Variants in ASMT observed in about 807,000 individuals in gnomAD.
ASMT encodes the protein acetylserotonin O-methyltransferase.
In ASMT, 53 loss-of-function variants were observed where a neutral mutation model predicts 41.3. The observed-to-expected ratio is 1.28, with a 90% CI of 1.03 to 1.61. ASMT has a LOEUF of 1.61. Among genes scored for constraint, ASMT ranks in the 40% most tolerant of loss-of-function variants. ASMT has a pLI of 0.00. For synonymous variants in ASMT, 231 were observed against 184.8 expected, an observed-to-expected ratio of 1.25 and a Z score of -2.03; for missense variants, 531 against 441.3, an observed-to-expected ratio of 1.20 and a Z score of -1.82.
intron 7 of ASMT, among the ~76,000 whole-genome samples, chrX:1,635,549 G>A (rs1192047260): frequency 3.9e-5 from 6 of 151,956 alleles, no homozygotes; most frequent in African/African-American, 7.2e-5. Flanking sequence ...CTTTTGCAGG[G>A]GACATCAGAA....
chrX:1,616,675 G>C (rs1288711063), intron 1 of ASMT, among the ~76,000 whole-genome samples: 1 of 151,368 alleles, frequency 6.6e-6, no homozygotes, highest in Non-Finnish European at 1.5e-5. Flanking sequence ...TTCGAGACCA[G>C]TCTGGGCAAC....
intron 3 of ASMT, among the ~76,000 whole-genome samples, chrX:1,626,921 C>T (rs1251115939): frequency 1.3e-5 from 2 of 151,454 alleles, no homozygotes; most frequent in African/African-American, 2.4e-5. Flanking sequence ...CCCAGCTACT[C>T]GGGAGGTTGA....
chrX:1,622,660 TCC>T lies in ASMT; in HGVS notation c.70-477_70-476del. ...CAGGCGCAATGGCTCACGCCTGTCA[TCC>T]CAGCACTTTGGGAGGCCGAGGCTGG... On this transcript the variant is annotated intron_variant, in intron 1 of 8. Transcript: ENST00000381241. Among the ~76,000 whole-genome samples, 2 of 151,028 alleles carry T rather than the reference TCC, an allele frequency of 1.3e-5. 1 individual carries two copies. Among genetic ancestry groups the T allele is most frequent in the African/African-American group, 4.9e-5 (2 of 41,170 alleles).
intron 4 of ASMT, among the ~76,000 whole-genome samples, chrX:1,628,841 T>C (rs1479336555): frequency 6.6e-6 from 1 of 150,522 alleles, no homozygotes; most frequent in East Asian, 2.0e-4. Context: ...CTTTCTCTCA[T>C]CTTCTCTGTT....
At chrX:1,625,680 C>T (rs191271647) in intron 3 of ASMT, among the ~76,000 whole-genome samples, 36 of 151,754 alleles carry the variant, frequency 2.4e-4, no homozygotes, top group Non-Finnish European at 3.5e-4. Flanking sequence ...GGTGGCCGGA[C>T]GCAGTAGCCC....
intron 8 of ASMT, among the ~76,000 whole-genome samples, chrX:1,637,083 GA>G (rs1935013054): frequency 1.0e-5 from 1 of 99,424 alleles, no homozygotes. Flanking sequence ...CTCTGTGTGT[GA>G]GATAAGGACT....
At chrX:1,636,353 C>A in intron 7 of ASMT, 85 bp from the exon 8 acceptor site, 2 of 1,601,500 alleles carry the variant, frequency 1.2e-6, no homozygotes, top group Non-Finnish European at 1.7e-6. Context: ...GTGACCCATC[C>A]AGGTGACCTT....
In ASMT at chrX:1,618,802, C is replaced by T. The variant is rs373366969; in HGVS notation, c.69+3534C>T. Among the ~76,000 whole-genome samples, 9 of 152,336 alleles carry T rather than the reference C, an allele frequency of 5.9e-5. No homozygotes were observed. The South Asian group carries it at 1.9e-3, about 32-fold the overall frequency. ...GTCCCAGACAACAGTAACTTGCTACCTTTGCCTCCTTTGACCGCAGGCCTC... is the reference window on the plus strand; with the variant it reads ...GTCCCAGACAACAGTAACTTGCTACTTTTGCCTCCTTTGACCGCAGGCCTC... On this transcript the variant is annotated intron_variant, in intron 1 of 8. Coordinates refer to ENST00000381241, the MANE Select transcript of ASMT (RefSeq NM_001171038.2).
At chrX:1,625,554 G>A (rs1487947337) in intron 3 of ASMT, among the ~76,000 whole-genome samples, 1 of 134,164 alleles carries the variant, frequency 7.5e-6, no homozygotes, top group Admixed American at 7.7e-5. Context: ...GGGAGGGAGG[G>A]AGGGAGGGAG....
intron 1 of ASMT, among the ~76,000 whole-genome samples, chrX:1,622,719 C>T (rs1422653475): frequency 6.6e-6 from 1 of 151,286 alleles, no homozygotes; most frequent in South Asian, 2.1e-4. Flanking sequence ...CGAGACCAGC[C>T]TGGCCAACAT....
At position 1,642,823 on chromosome X, in the gene ASMT, G is replaced by C. The variant is rs1162263155; in HGVS notation, c.931G>C (p.Glu311Gln). The C allele has an allele frequency of 6.2e-7, 1 of 1,613,926 alleles. No homozygotes were observed. Among genetic ancestry groups the C allele is most frequent in the South Asian group, 1.1e-5 (1 of 91,078 alleles). Residue 311 changes from glutamate to glutamine, a missense_variant, in exon 9 of 9, where the codon GAA becomes CAA. By Grantham distance (29) the Glu-to-Gln change is conservative. Coordinates refer to ENST00000381241, the MANE Select transcript of ASMT (RefSeq NM_001171038.2). ...CKPGGGILVI[E>Q]SLLDEDRRGP... ...TCTAGGTGGTGGCATTCTGGTAATT[G>C]AAAGCCTCCTGGATGAAGACAGGCG...
chrX:1,627,514 G>A (rs763771414), intron 3 of ASMT, among the ~76,000 whole-genome samples, 189 bp from the exon 4 acceptor site: 22 of 151,724 alleles, frequency 1.5e-4, no homozygotes, highest in Admixed American at 3.3e-4. Flanking sequence ...CCAGCTACTC[G>A]GGAGGCTGAG....
Position 1,624,386 on chromosome X carries a change from C to A in ASMT, c.362C>A (p.Ala121Glu). Residue 121 changes from alanine to glutamate, a missense_variant, in exon 3 of 9, where the codon GCA (alanine) becomes GAA (glutamate). By Grantham distance (107) the Ala-to-Glu change is moderately radical (BLOSUM62 -1). Coordinates refer to ENST00000381241, the MANE Select transcript of ASMT (RefSeq NM_001171038.2). ...RTSYRCWGHL[A>E]DAVREGRNQY... The stretch of plus-strand genomic sequence containing the variant: ...AGCTACCGGTGCTGGGGCCACCTGG[C>A]AGACGCCGTGAGGTGGGGGCTGCCC... 1 of 1,613,564 alleles carries A rather than the reference C, an allele frequency of 6.2e-7. No individual in the cohort carries two copies.
intron 5 of ASMT, among the ~76,000 whole-genome samples, chrX:1,631,302 G>T (rs1245828236): frequency 6.6e-6 from 1 of 151,120 alleles, no homozygotes; most frequent in African/African-American, 2.4e-5. Context: ...TCCTGCCTCG[G>T]CCTCCCAGAG....
At chrX:1,617,231 G>GA (rs1934168034) in intron 1 of ASMT, among the ~76,000 whole-genome samples, 1 of 151,484 alleles carries the variant, frequency 6.6e-6, no homozygotes, top group African/African-American at 2.4e-5. Flanking sequence ...CACTTTTTGG[G>GA]GTCCAAGGTG....
At chrX:1,626,129 G>A (rs1934541036) in intron 3 of ASMT, among the ~76,000 whole-genome samples, 2 of 151,980 alleles carry the variant, frequency 1.3e-5, no homozygotes, top group Admixed American at 1.3e-4. Flanking sequence ...GAAAAGGAAG[G>A]TGATTCTCTC....
rs1556110215 is a variant in ASMT at position 1,627,633 on chromosome X, C to CGAAATGAAATGAAT, written c.375-57_375-56insTGAAATGAAATGAA. On this transcript the variant is annotated intron_variant, in intron 3 of 8. Transcript: ENST00000381241. ...TGAAATGAAATGAAACGAAATGAAA[C>CGAAATGAAATGAAT]GAAATGAAATGAAATGAAATGAAAT... 84 of 1,199,548 alleles carry CGAAATGAAATGAAT rather than the reference C, an allele frequency of 7.0e-5. No homozygotes were observed. The African/African-American group carries it at 8.9e-4, about 13-fold the overall frequency. 74.3% of individuals were successfully genotyped at this position (1,199,548 alleles called of 1,614,324 possible). A position where few individuals can be genotyped will look rare whatever the true frequency, so the allele number is the denominator to read the frequency against.
At chrX:1,617,149 G>C (rs1201950454) in intron 1 of ASMT, among the ~76,000 whole-genome samples, 21 of 151,736 alleles carry the variant, frequency 1.4e-4, no homozygotes, top group Non-Finnish European at 2.9e-4. Flanking sequence ...CTCCAGCCTG[G>C]ATGACAGAGC....
intron 3 of ASMT, 116 bp from the exon 4 acceptor site, chrX:1,627,587 C>G (rs1283339770): frequency 8.8e-7 from 1 of 1,131,972 alleles, no homozygotes; most frequent in African/African-American, 1.5e-5. Context: ...TGCCATTGCA[C>G]TCCAGCCTGG....
Sources: allele counts gnomAD v4.1 joint callset (sites outside exome capture counted in the v4.1 genomes callset), GRCh38; gene constraint gnomAD v4.1.1; transcripts MANE v1.5; gene names NCBI Gene and HGNC (gene_info 2026-07-23, HGNC 2026-07-21).